Variants in HMGA2 observed in about 807,000 individuals in gnomAD.
The protein encoded by HMGA2 is high mobility group AT-hook 2.
A neutral mutation model predicts 19.1 loss-of-function variants in HMGA2; 8 were observed. The observed-to-expected ratio is 0.42, with a 90% CI of 0.25 to 0.76. The LOEUF is 0.76. HMGA2 is among the 30% of genes least tolerant of loss of function. The pLI is 0.28. For missense variants in HMGA2, 109 were observed against 136.3 expected (o/e 0.80, Z 1.00); for synonymous variants, 60 against 48.8 (o/e 1.23, Z -0.96).
intron 3 of HMGA2, among the ~76,000 whole-genome samples, chr12:65,942,925 T>G (rs1876138784): frequency 6.6e-6 from 1 of 152,208 alleles, no homozygotes; most frequent in South Asian, 2.1e-4. Context: ...CGTCTTCAAA[T>G]TTCTTCTGGA....
At chr12:65,851,913 C>G (rs1020819804) in intron 3 of HMGA2, among the ~76,000 whole-genome samples, 2 of 152,120 alleles carry the variant, frequency 1.3e-5, no homozygotes, top group African/African-American at 4.8e-5. Flanking sequence ...GTGACTTATC[C>G]TTGAACCTGC....
intron 3 of HMGA2, among the ~76,000 whole-genome samples, chr12:65,874,793 A>G (rs1423496545): frequency 6.6e-6 from 1 of 152,248 alleles, no homozygotes; most frequent in Non-Finnish European, 1.5e-5. Context: ...TAAAAATAGT[A>G]GAAGAGTTTA....
intron 2 of HMGA2, among the ~76,000 whole-genome samples, chr12:65,837,310 G>T (rs1870775447): frequency 6.6e-6 from 1 of 152,142 alleles, no homozygotes; most frequent in African/African-American, 2.4e-5. Flanking sequence ...TCATCTACCT[G>T]TCTGTCTATC....
At chr12:65,958,033 T>TGG (rs1876649915) in intron 4 of HMGA2, 1 of 152,204 alleles carries the variant, frequency 6.6e-6, no homozygotes, top group Admixed American at 6.5e-5. Flanking sequence ...GGTGGTCACA[T>TGG]TTCTTACACA....
Position 65,963,271 on chromosome 12 carries a change from A to G in HMGA2, c.309A>G (p.Gln103=), listed in dbSNP as rs2121333419. 3 of 1,613,746 alleles carry G rather than the reference A, an allele frequency of 1.9e-6. No homozygotes were observed. In the East Asian group the frequency reaches 6.7e-5, roughly 36 times the overall value. The change falls in exon 5 of 5, where the codon CAA becomes CAG. Residue 103 remains glutamine (Q), a synonymous_variant. Coordinates refer to ENST00000403681, the MANE Select transcript of HMGA2 (RefSeq NM_003483.6). ...AQEETEETSS[Q]ESAEED is the part of the protein sequence containing the mutation. ...AGGAAACTGAAGAGACATCCTCACA[A>G]GAGTCTGCCGAAGAGGACTAGGGGG...
chr12:65,843,073 A>G, intron 3 of HMGA2: 1 of 241,330 alleles, frequency 4.1e-6, no homozygotes, highest in Non-Finnish European at 7.9e-6. Flanking sequence ...AAAGGAAATT[A>G]ACAACAGAAG....
At chr12:65,890,627 C>T (rs1041612497) in intron 3 of HMGA2, among the ~76,000 whole-genome samples, 5 of 152,112 alleles carry the variant, frequency 3.3e-5, no homozygotes, top group African/African-American at 7.2e-5. Flanking sequence ...CCCATGCACA[C>T]GTACTCAGCT....
At chr12:65,920,007 T>C (rs1875246265) in intron 3 of HMGA2, among the ~76,000 whole-genome samples, 2 of 152,334 alleles carry the variant, frequency 1.3e-5, no homozygotes, top group South Asian at 4.1e-4. Context: ...AGCTGATGTT[T>C]GGGAGAAAAT....
rs1390347422 is a variant in HMGA2 at position 65,824,768 on chromosome 12, TCG to T, written c.-501_-500del. 39 of 202,596 alleles carry T rather than the reference TCG, an allele frequency of 1.9e-4. No homozygotes were observed. The highest frequency in any genetic ancestry group is 3.0e-4 in the Non-Finnish European group (31 of 102,242). 12.5% of individuals were successfully genotyped at this position (202,596 alleles called of 1,614,324 possible). A position where few individuals can be genotyped will look rare whatever the true frequency, so the allele number is the denominator to read the frequency against. On this transcript the variant is annotated 5_prime_UTR_variant, in exon 1 of 5. Coordinates refer to ENST00000403681, the MANE Select transcript of HMGA2 (RefSeq NM_003483.6). ...CTCTCTCTCTCTCTCTCTCTCTCTC[TCG>T]CAGGGTGGGGGGAAGAGGAGGAGGA...
intron 3 of HMGA2, among the ~76,000 whole-genome samples, chr12:65,841,284 G>T (rs2120886825): frequency 6.6e-6 from 1 of 152,156 alleles, no homozygotes; most frequent in East Asian, 1.9e-4. Flanking sequence ...GAGAATAGCT[G>T]GGCCATTTTC....
intron 3 of HMGA2, among the ~76,000 whole-genome samples, chr12:65,896,156 T>C (rs971273944): frequency 3.3e-5 from 5 of 152,234 alleles, no homozygotes; most frequent in Non-Finnish European, 7.3e-5. Flanking sequence ...TGAAAAGGAA[T>C]GTTTCAAGGA....
chr12:65,841,157 T>G (rs1870978966), intron 3 of HMGA2, among the ~76,000 whole-genome samples: 3 of 152,052 alleles, frequency 2.0e-5, no homozygotes, highest in Admixed American at 2.0e-4. Context: ...GATATATATG[T>G]TTTTTTTCTT....
chr12:65,911,862 C>T (rs947864684), intron 3 of HMGA2, among the ~76,000 whole-genome samples: 3 of 152,142 alleles, frequency 2.0e-5, no homozygotes, highest in African/African-American at 7.2e-5. Context: ...GGGTTCACCA[C>T]ATTTAACTGT....
At chr12:65,894,539 A>AT (rs1227365757) in intron 3 of HMGA2, among the ~76,000 whole-genome samples, 1 of 152,200 alleles carries the variant, frequency 6.6e-6, no homozygotes, top group Non-Finnish European at 1.5e-5. Context: ...AAATCTAAGC[A>AT]TTTTATTCAT....
At chr12:65,890,934 T>G (rs747814859) in intron 3 of HMGA2, among the ~76,000 whole-genome samples, 1 of 152,122 alleles carries the variant, frequency 6.6e-6, no homozygotes, top group Admixed American at 6.5e-5. Flanking sequence ...TGTCACCATG[T>G]TGGCCAGGCT....
intron 3 of HMGA2, among the ~76,000 whole-genome samples, chr12:65,927,791 T>TGGTC (rs1306447659): frequency 6.6e-6 from 1 of 151,270 alleles, no homozygotes; most frequent in African/African-American, 2.4e-5. Flanking sequence ...AAAGGCTTAT[T>TGGTC]GGTCTGTCTC....
intron 3 of HMGA2, among the ~76,000 whole-genome samples, chr12:65,943,841 A>G (rs1876171220): frequency 6.6e-6 from 1 of 152,206 alleles, no homozygotes; most frequent in Non-Finnish European, 1.5e-5. Flanking sequence ...GGCACAATGA[A>G]TGGAAGTTAA....
At chr12:65,837,328 C>G (rs767321188) in intron 2 of HMGA2, among the ~76,000 whole-genome samples, 5 of 152,252 alleles carry the variant, frequency 3.3e-5, no homozygotes, top group South Asian at 4.1e-4. Flanking sequence ...ATCTGCCTAT[C>G]CATCTATCTG....
chr12:65,839,744 C>G (rs1870913035), intron 3 of HMGA2, among the ~76,000 whole-genome samples: 1 of 152,156 alleles, frequency 6.6e-6, no homozygotes. Flanking sequence ...TTAGTTCTCT[C>G]CAAACCTACT....
Sources: allele counts gnomAD v4.1 joint callset (sites outside exome capture counted in the v4.1 genomes callset), GRCh38; gene constraint gnomAD v4.1.1; transcripts MANE v1.5; gene names NCBI Gene and HGNC (gene_info 2026-07-23, HGNC 2026-07-21).